LINGO2: variants seen among roughly 807,000 people sequenced by gnomAD.
The protein encoded by LINGO2 is leucine rich repeat and Ig domain containing 2.
LINGO2 carries 14 observed loss-of-function variants against 30.6 expected under a neutral mutation model. The ratio of observed to expected loss-of-function variants is 0.46; its 90% CI spans 0.30 to 0.72. LINGO2 has a LOEUF of 0.72. Ranked by LOEUF, LINGO2 falls within the 30% of genes least tolerant of loss-of-function variation. The pLI, the probability that LINGO2 is intolerant of heterozygous loss-of-function variation, is 0.07. For missense variants in LINGO2, 729 were observed against 751.7 expected (o/e 0.97, Z 0.35); for synonymous variants, 317 against 288.5 (o/e 1.10, Z -1.00).
intron 4 of LINGO2, among the ~76,000 whole-genome samples, chr9:28,170,024 C>G (rs954648004): frequency 6.6e-6 from 1 of 152,152 alleles, no homozygotes; most frequent in African/African-American, 2.4e-5. Flanking sequence ...TGTTTATTAT[C>G]TGCCTGAGCC....
chr9:28,712,219 T>C, the LINGO2 span, among the ~76,000 whole-genome samples: 12 of 152,270 alleles, frequency 7.9e-5, no homozygotes, highest in African/African-American at 2.6e-4. Flanking sequence ...TATATCGCTA[T>C]AGAATATTAA....
chr9:28,745,940 C>T, the LINGO2 span, among the ~76,000 whole-genome samples: 1 of 152,020 alleles, frequency 6.6e-6, no homozygotes, highest in Non-Finnish European at 1.5e-5. Context: ...CTTTGCTCCA[C>T]ACATTCTCTG....
the LINGO2 span, among the ~76,000 whole-genome samples, chr9:28,820,120 C>T: frequency 6.6e-6 from 1 of 152,166 alleles, no homozygotes; most frequent in South Asian, 2.1e-4. Flanking sequence ...AAGACTAAAT[C>T]TCATGAAACA....
intron 4 of LINGO2, among the ~76,000 whole-genome samples, chr9:28,017,268 T>C (rs1822886612): frequency 6.6e-6 from 1 of 152,154 alleles, no homozygotes; most frequent in African/African-American, 2.4e-5. Flanking sequence ...ACATTCTCCT[T>C]GAGAACTAGA....
chr9:28,216,706 A>G (rs1296950283), intron 4 of LINGO2, among the ~76,000 whole-genome samples: 1 of 151,924 alleles, frequency 6.6e-6, no homozygotes, highest in Non-Finnish European at 1.5e-5. Context: ...CCCCCTAAAT[A>G]CAGCAAGGAC....
intron 5 of LINGO2, among the ~76,000 whole-genome samples, chr9:28,001,815 T>C (rs1821970959): frequency 6.6e-6 from 1 of 152,166 alleles, no homozygotes; most frequent in African/African-American, 2.4e-5. Flanking sequence ...AAAAAAAGGA[T>C]GATGCACAAA....
the LINGO2 span, among the ~76,000 whole-genome samples, chr9:28,951,228 G>T: frequency 6.6e-6 from 1 of 152,068 alleles, no homozygotes; most frequent in South Asian, 2.1e-4. Flanking sequence ...TACACCTTCT[G>T]CAAAAATTAA....
intron 4 of LINGO2, among the ~76,000 whole-genome samples, chr9:28,275,642 A>G (rs1045017646): frequency 2.0e-5 from 3 of 152,172 alleles, no homozygotes; most frequent in Non-Finnish European, 2.9e-5. Context: ...CAAAACACTT[A>G]AGTATATGCA....
At chr9:28,944,234 T>G in the LINGO2 span, among the ~76,000 whole-genome samples, 44 of 152,266 alleles carry the variant, frequency 2.9e-4, no homozygotes, top group African/African-American at 9.6e-4. Context: ...GAAGCAGACA[T>G]TCAGACCCTT....
At chr9:28,206,852 T>C (rs16912570) in intron 4 of LINGO2, among the ~76,000 whole-genome samples, 16,126 of 152,152 alleles carry the variant, frequency 0.11, 917 homozygotes, top group Middle Eastern at 0.15. Flanking sequence ...CTTAATTATT[T>C]CTCCCAACCC....
chr9:28,612,277 G>A (rs796208568), intron 1 of LINGO2, among the ~76,000 whole-genome samples: 36 of 152,144 alleles, frequency 2.4e-4, no homozygotes, highest in African/African-American at 7.7e-4. Flanking sequence ...TGTGTAGGCT[G>A]GTCTCCAATC....
chr9:28,863,095 A>T, the LINGO2 span, among the ~76,000 whole-genome samples: 1 of 152,204 alleles, frequency 6.6e-6, no homozygotes, highest in East Asian at 1.9e-4. Flanking sequence ...CAAAATGTAC[A>T]ATTTGGTATG....
At chr9:28,243,122 A>G (rs1821861406) in intron 4 of LINGO2, among the ~76,000 whole-genome samples, 1 of 152,100 alleles carries the variant, frequency 6.6e-6, no homozygotes, top group Non-Finnish European at 1.5e-5. Context: ...ACACATAACA[A>G]TATTAACCTT....
At chr9:29,171,576 G>A in the LINGO2 span, among the ~76,000 whole-genome samples, 1 of 151,614 alleles carries the variant, frequency 6.6e-6, no homozygotes, top group Non-Finnish European at 1.5e-5. Flanking sequence ...TAAATAACTT[G>A]TAATAGCAAA....
chr9:29,124,853 C>T, the LINGO2 span, among the ~76,000 whole-genome samples: 3 of 152,084 alleles, frequency 2.0e-5, no homozygotes, highest in East Asian at 1.9e-4. Flanking sequence ...GACAGTGTAG[C>T]GATTCCTTAA....
the LINGO2 span, among the ~76,000 whole-genome samples, chr9:28,809,217 A>C: frequency 2.6e-5 from 4 of 152,168 alleles, no homozygotes; most frequent in Admixed American, 2.0e-4. Flanking sequence ...TACATGTACC[A>C]AAGTTCTTAA....
At chr9:29,196,148 C>G in the LINGO2 span, among the ~76,000 whole-genome samples, 2 of 151,936 alleles carry the variant, frequency 1.3e-5, no homozygotes, top group Admixed American at 1.3e-4. Flanking sequence ...TAAATTGGAC[C>G]CTGGGATTGC....
chr9:27,981,958 CA>C (rs1420994897), intron 5 of LINGO2, among the ~76,000 whole-genome samples: 2 of 151,812 alleles, frequency 1.3e-5, no homozygotes, highest in Non-Finnish European at 2.9e-5. Flanking sequence ...GGAAAGAATT[CA>C]AAAGCCACAC....
At chr9:28,553,686 C>A (rs1327605766) in intron 1 of LINGO2, among the ~76,000 whole-genome samples, 2 of 151,694 alleles carry the variant, frequency 1.3e-5, no homozygotes, top group Admixed American at 6.6e-5. Flanking sequence ...AACTCCAAGA[C>A]ACATAATTGT....
Sources: gnomAD v4.1 joint callset for allele counts (sites outside exome capture counted in the v4.1 genomes callset) on GRCh38, gnomAD v4.1.1 for gene constraint, MANE v1.5 for transcripts, NCBI Gene and HGNC (gene_info 2026-07-23, HGNC 2026-07-21) for gene names.